The following PRKD2 variants were observed in gnomAD, a reference collection of about 807,000 sequenced individuals.
PRKD2 encodes protein kinase D2.
In PRKD2, 22 loss-of-function variants were observed where a neutral mutation model predicts 86.0. That is an observed-to-expected ratio of 0.26 (90% CI 0.18 to 0.37). The LOEUF (loss-of-function observed/expected upper bound fraction) is 0.37, where lower values mean the gene tolerates loss of function less well. Ranked by LOEUF, PRKD2 falls within the 10% of genes least tolerant of loss-of-function variation. The pLI, the probability that PRKD2 is intolerant of heterozygous loss-of-function variation, is 1.00. For synonymous variants in PRKD2, 509 were observed against 510.9 expected (o/e 1.00, Z 0.05); for missense variants, 818 against 1,199.2 (o/e 0.68, Z 4.70).
chr19:46,692,589 A>G (rs1365904451), intron 10 of PRKD2, among the ~76,000 whole-genome samples: 5 of 151,248 alleles, frequency 3.3e-5, no homozygotes, highest in Admixed American at 3.3e-4. Flanking sequence ...CTGAGGCACA[A>G]GACTGACCCT....
chr19:46,684,058 C>T (rs1419532374), intron 14 of PRKD2, among the ~76,000 whole-genome samples: 4 of 152,046 alleles, frequency 2.6e-5, no homozygotes, highest in East Asian at 1.9e-4. Flanking sequence ...TTATCTGTCT[C>T]GGAGTTTAAA....
intron 8 of PRKD2, 63 bp from the exon 9 acceptor site, chr19:46,697,297 G>A (rs1250444698): frequency 7.8e-7 from 1 of 1,288,598 alleles, no homozygotes; most frequent in Non-Finnish European, 1.1e-6. Flanking sequence ...CCTATCCCGT[G>A]GAGCTGCTTG....
Position 46,704,402 on chromosome 19 carries a change from C to A in PRKD2, c.667-11G>T. 3.1e-6 allele frequency: 5 copies of A among 1,613,860 alleles called. No homozygotes were observed. The South Asian group carries it at 5.5e-5, about 18-fold the overall frequency. On this transcript the variant is annotated splice_polypyrimidine_tract_variant and intron_variant, in intron 4 of 17. Coordinates refer to ENST00000291281, the MANE Select transcript of PRKD2 (RefSeq NM_016457.5). ...GGTGGTGCTACGGCTCTGTCGTTGG[C>A]AAGAATGGAGGGGACACATCAGTGC...
In PRKD2 at chr19:46,693,619, G is replaced by A. The variant is rs1568724545; in HGVS notation, c.1576+256C>T. Among the ~76,000 whole-genome samples, 4 of 152,048 alleles carry A rather than the reference G, an allele frequency of 2.6e-5. No homozygotes were observed. Among genetic ancestry groups the A allele is most frequent in the Admixed American group, 2.6e-4 (4 of 15,270 alleles). On this transcript the variant is annotated intron_variant, in intron 10 of 17. Transcript: ENST00000291281. The surrounding 1 kb of genome is among the most constrained non-coding windows in gnomAD (Gnocchi z 4.5). ...ACCTGGCTAATTGTTTTTATTTTTT[G>A]TAGAGATGGAATCTCATTATGTTGC... is the stretch of plus-strand genomic sequence containing the variant.
Position 46,716,037 on chromosome 19 carries a change from C to T in PRKD2, c.240+94G>A. On this transcript the variant is annotated intron_variant, in intron 1 of 17. Transcript: ENST00000291281. The surrounding 1 kb of genome is among the most constrained non-coding windows in gnomAD (Gnocchi z 7.9). ...ATCACCCAAAGCTCAGGTCTCCTTC[C>T]TCCCTCTTCCGCACACCAGGCCCCA... 5 of 1,514,108 alleles carry T rather than the reference C, an allele frequency of 3.3e-6. No homozygotes were observed. The highest frequency in any genetic ancestry group is 4.4e-6 in the Non-Finnish European group (5 of 1,131,504). 93.8% of individuals were successfully genotyped at this position (1,514,108 alleles called of 1,614,324 possible). A position where few individuals can be genotyped will look rare whatever the true frequency, so the allele number is the denominator to read the frequency against.
rs965969111 is a variant in PRKD2 at position 46,704,296 on chromosome 19, G to A, written c.762C>T (p.Asp254=). ...CCTTGACCTTGGAGAGCAGCATCTT[G>A]TCCAGCTCAATGGGGCGGCCCGTAT... ...SSYTGRPIEL[D]KMLLSKVKVP... The change falls in exon 5 of 18, where the codon GAC becomes GAT. Residue 254 remains aspartate, a synonymous_variant. Coordinates refer to ENST00000291281, the MANE Select transcript of PRKD2 (RefSeq NM_016457.5). 1.9e-6 allele frequency: 3 copies of A among 1,614,102 alleles called. No homozygotes were observed. The South Asian group carries it at 3.3e-5, about 18-fold the overall frequency.
At chr19:46,712,682 G>T (rs767120991) in intron 2 of PRKD2, among the ~76,000 whole-genome samples, 29 of 152,264 alleles carry the variant, frequency 1.9e-4, no homozygotes, top group Non-Finnish European at 3.5e-4. Flanking sequence ...CACTAAAGGT[G>T]TAAATCCAGA....
Position 46,716,598 on chromosome 19 carries a change from T to C in PRKD2, c.-228A>G, listed in dbSNP as rs868294700. 31 of 392,492 alleles carry C rather than the reference T, an allele frequency of 7.9e-5. No individual in the cohort carries two copies. The Middle Eastern group carries it at 4.5e-3, about 57-fold the overall frequency. 24.3% of individuals were successfully genotyped at this position (392,492 alleles called of 1,614,324 possible). On this transcript the variant is annotated 5_prime_UTR_variant, in exon 1 of 18. Coordinates refer to ENST00000291281, the MANE Select transcript of PRKD2 (RefSeq NM_016457.5). This position sits in a 1 kb window ranked among gnomAD's most constrained non-coding sequence, Gnocchi z 7.9. ...CCCGGAATCCAGGGCTCCCAGAAGA[T>C]CAGAAAGGAGAAAAGTAGTGGGTTG...
chr19:46,700,229 G>A (rs967111634), intron 7 of PRKD2, among the ~76,000 whole-genome samples: 1 of 151,136 alleles, frequency 6.6e-6, no homozygotes, highest in African/African-American at 2.4e-5. Flanking sequence ...AGAGCGAAAC[G>A]CCGTCTAAAA....
rs115806858 is a variant in PRKD2 at position 46,709,828 on chromosome 19, A to G, written c.511+1079T>C. 3.3e-5 allele frequency among the ~76,000 whole-genome samples: 5 copies of G among 152,326 alleles called. No individual in the cohort carries two copies. In the East Asian group the frequency reaches 5.8e-4, roughly 18 times the overall value. ...AATTCCACCTGTGGACATCAGCTTC[A>G]GCTTGTGCCTGAGTTCCCACTTGCC... On this transcript the variant is annotated intron_variant, in intron 3 of 17. Coordinates refer to ENST00000291281, the MANE Select transcript of PRKD2 (RefSeq NM_016457.5).
intron 5 of PRKD2, among the ~76,000 whole-genome samples, chr19:46,702,211 C>T (rs2053647145): frequency 2.0e-5 from 3 of 151,396 alleles, no homozygotes; most frequent in South Asian, 4.2e-4. Context: ...GCTAATTTTT[C>T]GTATTTTTTG....
Position 46,711,007 on chromosome 19 carries a change from G to A in PRKD2, c.411C>T (p.Arg137=), listed in dbSNP as rs932457079. The stretch of plus-strand genomic sequence containing the variant: ...AGGAGTGCACCGTGAGGGCGTGCGG[G>A]CGGATCTGGAAGTCCTCGAAGGTGG... The part of the protein sequence containing the change: ...ASATFEDFQI[R]PHALTVHSYR... Residue 137 remains arginine (R), a synonymous_variant, in exon 3 of 18, where the codon CGC becomes CGT. Transcript: ENST00000291281. 6.3e-7 allele frequency: 1 copy of A among 1,581,598 alleles called. No individual in the cohort carries two copies. The highest frequency in any genetic ancestry group is 1.2e-5 in the South Asian group (1 of 86,344).
At chr19:46,713,381 T>C (rs2122175628) in intron 2 of PRKD2, among the ~76,000 whole-genome samples, 1 of 152,006 alleles carries the variant, frequency 6.6e-6, no homozygotes, top group East Asian at 1.9e-4. Context: ...TCCAACTCCT[T>C]CTTCTCCTCT....
At chr19:46,700,723 T>C in intron 7 of PRKD2, 76 bp downstream of exon 7, 1 of 1,536,538 alleles carries the variant, frequency 6.5e-7, no homozygotes, top group East Asian at 2.3e-5. Flanking sequence ...GTCAGCCCAT[T>C]GTAGAGAAAA....
At chr19:46,694,460 T>A (rs2053528290) in intron 9 of PRKD2, among the ~76,000 whole-genome samples, 1 of 152,010 alleles carries the variant, frequency 6.6e-6, no homozygotes, top group African/African-American at 2.4e-5. Context: ...CCAGGCGTGG[T>A]GGTGTGCGCC....
rs869150137 is a variant in PRKD2 at position 46,702,031 on chromosome 19, G to GTTT, written c.890-922_890-920dup. 2.0e-4 allele frequency among the ~76,000 whole-genome samples: 24 copies of GTTT among 122,172 alleles called. 1 individual carries two copies. Among genetic ancestry groups the GTTT allele is most frequent in the African/African-American group, 2.9e-4 (10 of 34,742 alleles). The allele number at this position is 122,172 out of a possible 152,430, so 80.1% of individuals were successfully genotyped here. On this transcript the variant is annotated intron_variant, in intron 5 of 17. Transcript: ENST00000291281. ...TATTTTATGAAGGTTCTATGATTCT[G>GTTT]TTTTTTGTTTTTTTTTTTTTTTTTT...
At chr19:46,681,602 C>T in intron 15 of PRKD2, 48 bp downstream of exon 15, 1 of 1,110,230 alleles carries the variant, frequency 9.0e-7, no homozygotes, top group Non-Finnish European at 1.3e-6. Flanking sequence ...CCACCCCGGC[C>T]ATCAGTGTTG....
chr19:46,697,051 G>C (rs2053568988), intron 9 of PRKD2, 106 bp downstream of exon 9: 2 of 933,406 alleles, frequency 2.1e-6, no homozygotes, highest in Non-Finnish European at 3.5e-6. Context: ...TGGGCAGAGG[G>C]TGTGATTTGC....
intron 14 of PRKD2, among the ~76,000 whole-genome samples, chr19:46,688,153 G>T (rs973609092): frequency 6.6e-6 from 1 of 152,028 alleles, no homozygotes; most frequent in Non-Finnish European, 1.5e-5. Context: ...GCCTCCCAAA[G>T]CGCTGGGATT....
Sources: allele counts gnomAD v4.1 joint callset (sites outside exome capture counted in the v4.1 genomes callset), GRCh38; gene constraint gnomAD v4.1.1; non-coding constraint Gnocchi (gnomAD v3.1); transcripts MANE v1.5; gene names NCBI Gene and HGNC (gene_info 2026-07-23, HGNC 2026-07-21).